EPB41: variants seen among roughly 807,000 people sequenced by gnomAD.
The protein encoded by EPB41 is protein 4.1.
Under a neutral mutation model 108.0 loss-of-function variants are expected in EPB41, and 65 were observed. The ratio of observed to expected loss-of-function variants is 0.60; its 90% CI spans 0.49 to 0.74. The LOEUF (loss-of-function observed/expected upper bound fraction) is 0.74, where lower values mean the gene tolerates loss of function less well. Ranked by LOEUF, EPB41 falls within the 30% of genes least tolerant of loss-of-function variation. The pLI is 0.00. For synonymous variants in EPB41, 336 were observed against 358.9 expected, an observed-to-expected ratio of 0.94 and a Z score of 0.72; for missense variants, 875 against 1,037.0, an observed-to-expected ratio of 0.84 and a Z score of 2.15.
intron 1 of EPB41, among the ~76,000 whole-genome samples, chr1:28,901,429 T>C (rs1342386764): frequency 6.6e-6 from 1 of 151,390 alleles, no homozygotes; most frequent in African/African-American, 2.4e-5. Flanking sequence ...TTCACCATGT[T>C]GGCCAGGGTG....
At chr1:29,013,369 TGGG>T (rs2096533315) in intron 5 of EPB41, among the ~76,000 whole-genome samples, 1 of 149,964 alleles carries the variant, frequency 6.7e-6, no homozygotes, top group African/African-American at 2.4e-5. Context: ...TTCTTCAACA[TGGG>T]GGAAAAAAAC....
rs191575319 is a variant in EPB41 at position 29,060,952 on chromosome 1, C to T, written c.2007+468C>T. Among the ~76,000 whole-genome samples the T allele has an allele frequency of 2.0e-5, 3 of 151,704 alleles. No individual in the cohort carries two copies. In the East Asian group the frequency reaches 5.8e-4, roughly 29 times the overall value. ...TGACAGAAGAACTGTCGGGGAGGGG[C>T]GGGAAGTAAGATATAAGAAGGAAAG... On this transcript the variant is annotated intron_variant, in intron 15 of 20. Transcript: ENST00000343067.
chr1:28,978,518 A>G (rs1365555272), intron 1 of EPB41, among the ~76,000 whole-genome samples: 2 of 151,570 alleles, frequency 1.3e-5, no homozygotes, highest in African/African-American at 4.9e-5. Context: ...CCAAGTGGAC[A>G]AGGGGTAGAC....
intron 4 of EPB41, among the ~76,000 whole-genome samples, chr1:29,003,055 G>A (rs1354958193): frequency 6.6e-5 from 10 of 152,298 alleles, no homozygotes; most frequent in African/African-American, 2.4e-4. Flanking sequence ...ATCTGTTGGA[G>A]CCAGTGAAGA....
chr1:29,083,618 A>G (rs966974092), intron 16 of EPB41, among the ~76,000 whole-genome samples: 1 of 152,222 alleles, frequency 6.6e-6, no homozygotes, highest in African/African-American at 2.4e-5. Flanking sequence ...GTGCCCATTT[A>G]AAAGCATTTG....
intron 1 of EPB41, among the ~76,000 whole-genome samples, chr1:28,903,428 G>A (rs547553895): frequency 6.6e-6 from 1 of 151,062 alleles, no homozygotes; most frequent in South Asian, 2.1e-4. Context: ...GGGTGCAAGC[G>A]ATTCTCCTGC....
intron 14 of EPB41, 66 bp downstream of exon 14, chr1:29,058,918 A>T: frequency 1.5e-6 from 2 of 1,294,904 alleles, no homozygotes; most frequent in Admixed American, 2.2e-5. Context: ...ACAGTGCATT[A>T]AAAAGACAGT....
Position 28,951,612 on chromosome 1 carries a change from G to A in EPB41, c.-7-35819G>A, listed in dbSNP as rs556188162. ...CTCATGCCTGTAATCCCCCCACTTT[G>A]GGAGGTAGAGGCAGGAGGATTACTT... On this transcript the variant is annotated intron_variant, in intron 1 of 20. Transcript: ENST00000343067. Among the ~76,000 whole-genome samples, 3 of 152,318 alleles carry A rather than the reference G, an allele frequency of 2.0e-5. No individual in the cohort carries two copies. The South Asian group carries it at 6.2e-4, about 32-fold the overall frequency.
At chr1:29,025,516 G>A (rs994834290) in intron 7 of EPB41, among the ~76,000 whole-genome samples, 12 of 152,072 alleles carry the variant, frequency 7.9e-5, no homozygotes, top group African/African-American at 2.9e-4. Context: ...TTCCCAGCTG[G>A]TTTGTTATGA....
chr1:28,964,645 A>C (rs565522227), intron 1 of EPB41, among the ~76,000 whole-genome samples: 1 of 152,004 alleles, frequency 6.6e-6, no homozygotes, highest in Non-Finnish European at 1.5e-5. Flanking sequence ...TAAATAAATA[A>C]AATTTTCTAA....
intron 4 of EPB41, among the ~76,000 whole-genome samples, chr1:29,003,690 T>A (rs1425216591): frequency 6.6e-6 from 1 of 152,208 alleles, no homozygotes; most frequent in East Asian, 1.9e-4. Flanking sequence ...AAGTTTTCCC[T>A]CATATGGAGT....
chr1:29,010,638 A>G (rs138272152), intron 4 of EPB41, among the ~76,000 whole-genome samples: 2 of 152,232 alleles, frequency 1.3e-5, no homozygotes, highest in African/African-American at 4.8e-5. Context: ...CAGTGCCCTT[A>G]TTTTGCATGG....
chr1:28,929,947 T>G (rs1275685811), intron 1 of EPB41, among the ~76,000 whole-genome samples: 5 of 151,110 alleles, frequency 3.3e-5, no homozygotes, highest in African/African-American at 1.2e-4. Context: ...TTTAGTGTGT[T>G]TATGGGGTTG....
chr1:29,096,603 A>C, intron 16 of EPB41: 1 of 985,302 alleles, frequency 1.0e-6, no homozygotes, highest in South Asian at 4.7e-5. Context: ...CGAAGTTTCC[A>C]GGTAGTAATT....
intron 1 of EPB41, among the ~76,000 whole-genome samples, chr1:28,899,380 C>T (rs1231587153): frequency 6.6e-6 from 1 of 152,186 alleles, no homozygotes; most frequent in African/African-American, 2.4e-5. Flanking sequence ...GAACAAATGA[C>T]ACCTGATAAG....
intron 1 of EPB41, among the ~76,000 whole-genome samples, chr1:28,978,307 A>G (rs750544911): frequency 2.6e-5 from 4 of 151,576 alleles, no homozygotes; most frequent in Non-Finnish European, 5.9e-5. Context: ...CAAAAGACAC[A>G]ATCCTAAACA....
chr1:29,076,914 A>T (rs993402239), intron 16 of EPB41, among the ~76,000 whole-genome samples: 2 of 152,190 alleles, frequency 1.3e-5, no homozygotes, highest in African/African-American at 2.4e-5. Flanking sequence ...CTCTAAAAAA[A>T]TTTTAAATAA....
Position 28,987,688 on chromosome 1 carries a change from C to T in EPB41, c.251C>T (p.Ser84Phe). 6.2e-7 allele frequency: 1 copy of T among 1,614,192 alleles called. No individual in the cohort carries two copies. The highest frequency in any genetic ancestry group is 8.5e-7 in the Non-Finnish European group (1 of 1,180,034). Residue 84 changes from serine (S) to phenylalanine (F), a missense_variant, in exon 2 of 21, where the codon TCC (serine) becomes TTC (phenylalanine). Physicochemically the swap from Ser to Phe is radical, Grantham distance 155. Around this residue, in one of 3 missense-constraint regions of EPB41, gnomAD observed 353 missense variants for 393.2 expected, o/e 0.90. Coordinates refer to ENST00000343067, the MANE Select transcript of EPB41 (RefSeq NM_001376013.1). The part of the protein sequence containing the change: ...SESRGLSRLF[S>F]SFLKRPKSQV... ...AGCAGAGGACTTTCACGACTATTCT[C>T]CTCGTTTCTCAAAAGGCCCAAATCT...
chr1:29,052,344 A>G (rs1476555529), intron 11 of EPB41, among the ~76,000 whole-genome samples: 1 of 152,208 alleles, frequency 6.6e-6, no homozygotes, highest in Non-Finnish European at 1.5e-5. Flanking sequence ...CTCTGGGGAC[A>G]ATTTACTCCA....
Sources: gnomAD v4.1 joint callset for allele counts (sites outside exome capture counted in the v4.1 genomes callset) on GRCh38, gnomAD v4.1.1 for gene constraint, gnomAD v4.1.1 regional missense constraint, MANE v1.5 for transcripts, NCBI Gene and HGNC (gene_info 2026-07-23, HGNC 2026-07-21) for gene names.